Variants in FSTL5 observed in about 807,000 individuals in gnomAD.
FSTL5 encodes the protein follistatin like 5, also known as follistatin-related protein 5.
Under a neutral mutation model 89.1 loss-of-function variants are expected in FSTL5, and 62 were observed. The observed-to-expected ratio is 0.70, with a 90% CI of 0.57 to 0.86. The LOEUF (loss-of-function observed/expected upper bound fraction) is 0.86, where lower values mean the gene tolerates loss of function less well. FSTL5 is among the 40% of genes least tolerant of loss of function. FSTL5 has a pLI of 0.00. For missense variants in FSTL5, 1,057 were observed against 1,001.6 expected, an observed-to-expected ratio of 1.06 and a Z score of -0.75; for synonymous variants, 383 against 346.2, an observed-to-expected ratio of 1.11 and a Z score of -1.18.
rs200151809 is a variant in FSTL5, at chr4:162,102,596, AT to A, written c.126+8674del. Among the ~76,000 whole-genome samples, 604 of 146,242 alleles carry A rather than the reference AT, an allele frequency of 4.1e-3. 4 individuals are homozygous for A. The highest frequency in any genetic ancestry group is 7.0e-3 in the Non-Finnish European group (464 of 66,642). On this transcript the variant is annotated intron_variant, in intron 2 of 15. Coordinates refer to ENST00000306100, the MANE Select transcript of FSTL5 (RefSeq NM_020116.5). The stretch of plus-strand genomic sequence containing the variant: ...ATTTATATATATAAAATAGATATAT[AT>A]TTAATATTATATTATATATAAAATA...
At chr4:162,112,964 C>T (rs1483642182) in intron 1 of FSTL5, among the ~76,000 whole-genome samples, 2 of 152,094 alleles carry the variant, frequency 1.3e-5, no homozygotes, top group Non-Finnish European at 2.9e-5. Flanking sequence ...TTTGTGAAAA[C>T]TCCTCAGTCC....
intron 2 of FSTL5, among the ~76,000 whole-genome samples, chr4:162,062,394 CTTAGTCCAAT>C (rs1309762441): frequency 6.6e-6 from 1 of 151,796 alleles, no homozygotes; most frequent in Non-Finnish European, 1.5e-5. Flanking sequence ...CTGCTCTTTG[CTTAGTCCAAT>C]TTCTATTGGA....
In FSTL5 at chr4:161,510,423, T is replaced by C. The variant is rs1283350450; in HGVS notation, c.1314A>G (p.Leu438=). The change falls in exon 11 of 16, where the codon CTA becomes CTG. Residue 438 remains leucine, a splice_region_variant and synonymous_variant. Transcript: ENST00000306100. Reference sequence around the variant, plus strand: ...CTTCTTCTCTCCATAATATGTTAGCTACTGCAGCATGTTGAAAGAAAAAGA... The same window carrying C: ...CTTCTTCTCTCCATAATATGTTAGCCACTGCAGCATGTTGAAAGAAAAAGA... ...LFVEDSARKT[L]ANILWREEGL... is the part of the protein sequence containing the mutation. The C allele has an allele frequency of 1.3e-6, 2 of 1,530,342 alleles. No homozygotes were observed. The highest frequency in any genetic ancestry group is 2.3e-5 in the Admixed American group (1 of 43,610). 94.8% of individuals were successfully genotyped at this position (1,530,342 alleles called of 1,614,324 possible). A position where few individuals can be genotyped will look rare whatever the true frequency, so the allele number is the denominator to read the frequency against.
chr4:162,005,188 TC>T (rs1168844274), intron 3 of FSTL5, among the ~76,000 whole-genome samples: 2 of 152,246 alleles, frequency 1.3e-5, no homozygotes, highest in African/African-American at 4.8e-5. Flanking sequence ...AAAAAATTAT[TC>T]CCAACTTCCA....
At chr4:162,127,759 A>T (rs1405835114) in intron 1 of FSTL5, among the ~76,000 whole-genome samples, 1 of 152,192 alleles carries the variant, frequency 6.6e-6, no homozygotes, top group Non-Finnish European at 1.5e-5. Context: ...AGAAAAAAAA[A>T]TGCCAATCTG....
At position 161,406,514 on chromosome 4, in the gene FSTL5, T is replaced by C. The variant is rs1357241403; in HGVS notation, c.1842-20065A>G. 2.6e-5 allele frequency among the ~76,000 whole-genome samples: 4 copies of C among 152,124 alleles called. No individual in the cohort carries two copies. The East Asian group carries it at 7.7e-4, about 29-fold the overall frequency. On this transcript the variant is annotated intron_variant, in intron 15 of 15. Transcript: ENST00000306100. ...TGTTTGGGGGATGAAATTTTCTAAATTTGTCTGTTAGGTCTGGTTAGTTTA... is the reference window on the plus strand; with the variant it reads ...TGTTTGGGGGATGAAATTTTCTAAACTTGTCTGTTAGGTCTGGTTAGTTTA...
intron 12 of FSTL5, among the ~76,000 whole-genome samples, chr4:161,482,932 A>T (rs1735921762): frequency 6.6e-6 from 1 of 152,214 alleles, no homozygotes; most frequent in Non-Finnish European, 1.5e-5. Context: ...AGCTTCTAAG[A>T]CATAAGCGGA....
At chr4:161,626,000 C>T (rs1351171384) in intron 7 of FSTL5, among the ~76,000 whole-genome samples, 1 of 151,962 alleles carries the variant, frequency 6.6e-6, no homozygotes, top group African/African-American at 2.4e-5. Context: ...AATTTGGAAG[C>T]TTTTCTTCTG....
chr4:162,028,440 G>T (rs1259956535), intron 3 of FSTL5, among the ~76,000 whole-genome samples: 2 of 152,084 alleles, frequency 1.3e-5, no homozygotes, highest in African/African-American at 4.8e-5. Context: ...AGCCAGGGGT[G>T]CTGGCACGCA....
At chr4:162,038,155 T>C (rs571921907) in intron 2 of FSTL5, among the ~76,000 whole-genome samples, 1 of 152,034 alleles carries the variant, frequency 6.6e-6, no homozygotes, top group African/African-American at 2.4e-5. Context: ...TTTCAAAAGA[T>C]TTTCTAATAA....
At chr4:161,887,427 C>CT (rs1553976602) in intron 4 of FSTL5, among the ~76,000 whole-genome samples, 1,603 of 24,656 alleles carry the variant, frequency 0.065, 26 homozygotes, top group African/African-American at 0.17. Context: ...ATCTATCTAT[C>CT]ATCTATCTAC....
At chr4:161,593,967 A>G (rs1733920112) in intron 7 of FSTL5, among the ~76,000 whole-genome samples, 1 of 152,170 alleles carries the variant, frequency 6.6e-6, no homozygotes, top group African/African-American at 2.4e-5. Context: ...GCTGTACCTC[A>G]CGTGAACAGT....
At chr4:161,836,915 G>A (rs758077157) in intron 4 of FSTL5, among the ~76,000 whole-genome samples, 20 of 152,002 alleles carry the variant, frequency 1.3e-4, no homozygotes, top group Non-Finnish European at 2.2e-4. Flanking sequence ...CTTTGAGATA[G>A]GAACAAAAAG....
At chr4:162,080,007 T>G (rs969346) in intron 2 of FSTL5, among the ~76,000 whole-genome samples, 13,938 of 151,446 alleles carry the variant, frequency 0.092, 761 homozygotes, top group Non-Finnish European at 0.12. Context: ...GTACTACAAA[T>G]TTTTCCAAAA....
At chr4:161,437,771 A>T (rs1192862218) in intron 15 of FSTL5, among the ~76,000 whole-genome samples, 3 of 152,008 alleles carry the variant, frequency 2.0e-5, no homozygotes, top group Non-Finnish European at 4.4e-5. Context: ...TGAATGTGAG[A>T]AGTGAGATGG....
chr4:162,041,233 A>G (rs1737942371), intron 2 of FSTL5, among the ~76,000 whole-genome samples: 1 of 149,076 alleles, frequency 6.7e-6, no homozygotes, highest in African/African-American at 2.5e-5. Flanking sequence ...AAAGGAGTTT[A>G]TCTCCATAGC....
chr4:162,066,723 G>A (rs1337567553), intron 2 of FSTL5, among the ~76,000 whole-genome samples: 3 of 151,596 alleles, frequency 2.0e-5, no homozygotes, highest in Admixed American at 6.6e-5. Context: ...AAGAATGATG[G>A]CTTCCTGTTT....
chr4:161,808,252 TAGAC>T (rs976508065), intron 4 of FSTL5, among the ~76,000 whole-genome samples: 43 of 152,028 alleles, frequency 2.8e-4, no homozygotes, highest in African/African-American at 1.0e-3. Flanking sequence ...TAAAAATAAT[TAGAC>T]AGGGATTTCT....
chr4:162,040,115 T>C (rs1056726735), intron 2 of FSTL5, among the ~76,000 whole-genome samples: 1 of 152,058 alleles, frequency 6.6e-6, no homozygotes, highest in African/African-American at 2.4e-5. Context: ...TCAGAACTCT[T>C]CCCTTCTCTC....
Sources: gnomAD v4.1 joint callset for allele counts (sites outside exome capture counted in the v4.1 genomes callset) on GRCh38, gnomAD v4.1.1 for gene constraint, MANE v1.5 for transcripts, NCBI Gene and HGNC (gene_info 2026-07-23, HGNC 2026-07-21) for gene names.